SPIRE1: variants seen among roughly 807,000 people sequenced by gnomAD.
The protein encoded by SPIRE1 is protein spire homolog 1.
SPIRE1 carries 40 observed loss-of-function variants against 94.1 expected under a neutral mutation model. That is an observed-to-expected ratio of 0.43 (90% CI 0.33 to 0.55). The LOEUF (loss-of-function observed/expected upper bound fraction) is 0.55, where lower values mean the gene tolerates loss of function less well. SPIRE1 is among the 20% of genes least tolerant of loss of function. The pLI is 0.06. For missense variants in SPIRE1, 838 were observed against 975.2 expected (o/e 0.86, Z 1.87); for synonymous variants, 376 against 371.7 (o/e 1.01, Z -0.13).
intron 2 of SPIRE1, among the ~76,000 whole-genome samples, chr18:12,553,036 C>T (rs2035398892): frequency 6.6e-6 from 1 of 152,160 alleles, no homozygotes; most frequent in African/African-American, 2.4e-5. Flanking sequence ...CACCTGCTGA[C>T]TAATGAGTCC....
At chr18:12,552,093 G>A (rs1229080315) in intron 2 of SPIRE1, among the ~76,000 whole-genome samples, 1 of 152,230 alleles carries the variant, frequency 6.6e-6, no homozygotes, top group Non-Finnish European at 1.5e-5. Context: ...TAAGACCAGC[G>A]CTAGCCACAG....
intron 4 of SPIRE1, among the ~76,000 whole-genome samples, chr18:12,518,232 A>C (rs764836239): frequency 2.0e-5 from 3 of 152,152 alleles, no homozygotes; most frequent in Non-Finnish European, 4.4e-5. Flanking sequence ...GCTGATCTTG[A>C]ACTCCTGGGC....
chr18:12,497,573 C>T (rs551492192), intron 6 of SPIRE1, among the ~76,000 whole-genome samples: 19 of 152,228 alleles, frequency 1.2e-4, no homozygotes, highest in African/African-American at 4.6e-4. Flanking sequence ...CCCTCTCCCC[C>T]AGTCCTGAAT....
intron 9 of SPIRE1, among the ~76,000 whole-genome samples, chr18:12,481,282 GC>G (rs1180457224): frequency 2.2e-5 from 2 of 89,940 alleles, no homozygotes; most frequent in African/African-American, 8.3e-5. Flanking sequence ...AACAACCCCC[GC>G]CCCCCGCAAG....
chr18:12,577,273 C>T (rs2036132689), intron 2 of SPIRE1, among the ~76,000 whole-genome samples: 2 of 151,952 alleles, frequency 1.3e-5, no homozygotes, highest in Admixed American at 1.3e-4. Context: ...TCAGCCTCCC[C>T]AGTAGCTGGG....
At chr18:12,454,163 A>G (rs1037849232) in intron 13 of SPIRE1, among the ~76,000 whole-genome samples, 183 bp downstream of exon 13, 2 of 152,170 alleles carry the variant, frequency 1.3e-5, no homozygotes, top group Admixed American at 6.5e-5. Flanking sequence ...TAAGGCAGAA[A>G]CAAAAATGCC....
chr18:12,507,800 T>C (rs1403375709), intron 5 of SPIRE1, among the ~76,000 whole-genome samples: 2 of 152,148 alleles, frequency 1.3e-5, no homozygotes, highest in African/African-American at 4.8e-5. Context: ...AAGTCTCTAC[T>C]TGAGTGAAGT....
intron 10 of SPIRE1, among the ~76,000 whole-genome samples, chr18:12,475,574 G>A (rs1352882654): frequency 3.3e-5 from 5 of 152,012 alleles, no homozygotes; most frequent in African/African-American, 9.7e-5. Context: ...CTAAAAAGTA[G>A]GGAACAAAAA....
intron 1 of SPIRE1, among the ~76,000 whole-genome samples, chr18:12,637,358 CA>C (rs55649398): frequency 0.43 from 43,387 of 101,740 alleles, 5,636 homozygotes; most frequent in East Asian, 0.57. Flanking sequence ...GACTCTGTCT[CA>C]AAAAAAAAAA....
At chr18:12,564,611 C>A (rs1429396741) in intron 2 of SPIRE1, among the ~76,000 whole-genome samples, 1 of 152,092 alleles carries the variant, frequency 6.6e-6, no homozygotes, top group African/African-American at 2.4e-5. Context: ...AACCAATGTC[C>A]CCAAGATTGG....
At chr18:12,580,102 C>T (rs1224738364) in intron 2 of SPIRE1, among the ~76,000 whole-genome samples, 1 of 152,108 alleles carries the variant, frequency 6.6e-6, no homozygotes, top group Non-Finnish European at 1.5e-5. Flanking sequence ...AGAAACAGCT[C>T]CTTCTGGTTA....
intron 8 of SPIRE1, among the ~76,000 whole-genome samples, chr18:12,492,560 TAAAC>T (rs1215942170): frequency 1.3e-5 from 2 of 152,192 alleles, no homozygotes; most frequent in African/African-American, 2.4e-5. Context: ...AAACCCATAA[TAAAC>T]AAACATAAGG....
At chr18:12,523,448 T>C (rs112469590) in intron 4 of SPIRE1, among the ~76,000 whole-genome samples, 1,709 of 152,278 alleles carry the variant, frequency 0.011, 37 homozygotes, top group African/African-American at 0.039. Flanking sequence ...TTTGAGAAGA[T>C]TGACTCCAAT....
chr18:12,490,449 TGA>T (rs1374084987), intron 8 of SPIRE1, among the ~76,000 whole-genome samples: 4 of 152,214 alleles, frequency 2.6e-5, no homozygotes, highest in Middle Eastern at 6.8e-3. Context: ...ACACTGAAGA[TGA>T]GAGAACACTT....
In SPIRE1 at chr18:12,560,368, T is replaced by C. The variant is rs553667884; in HGVS notation, c.373-13464A>G. On this transcript the variant is annotated intron_variant, in intron 2 of 16. Transcript: ENST00000409402. Reference sequence around the variant, plus strand: ...TCAACAGATAAATGGAGAAAGAAAATGTGGTACATATATCTAATAGAATAC... The same window carrying C: ...TCAACAGATAAATGGAGAAAGAAAACGTGGTACATATATCTAATAGAATAC... 6.9e-4 allele frequency among the ~76,000 whole-genome samples: 105 copies of C among 152,110 alleles called. 1 individual carries two copies. In the South Asian group the frequency reaches 0.021, roughly 30 times the overall value.
chr18:12,655,225 CAA>C (rs776751877), intron 1 of SPIRE1, among the ~76,000 whole-genome samples: 7 of 76,522 alleles, frequency 9.1e-5, no homozygotes, highest in African/African-American at 4.8e-5. Flanking sequence ...AAGACCCTGT[CAA>C]AAAAAAAAAA....
At chr18:12,600,020 G>A (rs2144632400) in intron 2 of SPIRE1, among the ~76,000 whole-genome samples, 1 of 151,284 alleles carries the variant, frequency 6.6e-6, no homozygotes, top group South Asian at 2.1e-4. Context: ...GGAGCAAGTG[G>A]CCACGTTGGG....
At chr18:12,657,409 G>T in intron 1 of SPIRE1, 121 bp downstream of exon 1, 2 of 807,610 alleles carry the variant, frequency 2.5e-6, no homozygotes, top group Non-Finnish European at 3.3e-6. Flanking sequence ...TCCTCCCGGG[G>T]GTCTCCCGTG....
In SPIRE1 at chr18:12,454,389, TATTTTTCCA is replaced by T. The variant is rs1422275948; in HGVS notation, c.1724_1732del (p.Leu575_Tyr578delinsHis). 6.2e-7 allele frequency: 1 copy of T among 1,614,144 alleles called. No homozygotes were observed. The highest frequency in any genetic ancestry group is 8.5e-7 in the Non-Finnish European group (1 of 1,180,028). On this transcript the variant is annotated inframe_deletion, in exon 13 of 17. Transcript: ENST00000409402. ...GGTGTAGATGTCTTTATACTGTTGG[TATTTTTCCA>T]GCTCTGCCTTCACCAGGACCTGGCG...
Sources: gnomAD v4.1 joint callset for allele counts (sites outside exome capture counted in the v4.1 genomes callset) on GRCh38, gnomAD v4.1.1 for gene constraint, MANE v1.5 for transcripts, NCBI Gene and HGNC (gene_info 2026-07-23, HGNC 2026-07-21) for gene names.